CFAP53: variants seen among roughly 807,000 people sequenced by gnomAD.
CFAP53 encodes the protein cilia- and flagella-associated protein 53.
Under a neutral mutation model 59.7 loss-of-function variants are expected in CFAP53, and 62 were observed. The observed-to-expected ratio is 1.04, with a 90% CI of 0.85 to 1.28. The LOEUF is 1.28. CFAP53 is among the 50% of genes most tolerant of loss of function. CFAP53 has a pLI of 0.00. For missense variants in CFAP53, 629 were observed against 615.6 expected (o/e 1.02, Z -0.23); for synonymous variants, 218 against 205.7 (o/e 1.06, Z -0.51).
intron 5 of CFAP53, among the ~76,000 whole-genome samples, chr18:50,249,328 G>A (rs1301439910): frequency 6.6e-6 from 1 of 151,894 alleles, no homozygotes; most frequent in Non-Finnish European, 1.5e-5. Flanking sequence ...GACCAGCCTG[G>A]GCAGCATAGT....
rs550975806 is a variant in CFAP53 at position 50,250,638 on chromosome 18, T to C, written c.996+120A>G. 7.8e-4 allele frequency: 575 copies of C among 741,688 alleles called. 4 individuals carry two copies. The highest frequency in any genetic ancestry group is 1.2e-3 in the Non-Finnish European group (519 of 434,604). The allele number at this position is 741,688 out of a possible 1,614,324, so 45.9% of individuals were successfully genotyped here. ...ATTTTCCCAGATGGTGCTGATGCTGTTGGCTTGTGGACCACACTCAGAGTA... is the reference window on the plus strand; with the variant it reads ...ATTTTCCCAGATGGTGCTGATGCTGCTGGCTTGTGGACCACACTCAGAGTA... On this transcript the variant is annotated intron_variant, in intron 5 of 7. Coordinates refer to ENST00000398545, the MANE Select transcript of CFAP53 (RefSeq NM_145020.5).
intron 7 of CFAP53, among the ~76,000 whole-genome samples, chr18:50,235,276 C>T (rs1213790884): frequency 6.6e-6 from 1 of 152,154 alleles, no homozygotes; most frequent in Admixed American, 6.6e-5. Flanking sequence ...TATAATAAAG[C>T]TCATATTGGC....
chr18:50,233,319 T>C (rs986476233), intron 7 of CFAP53, among the ~76,000 whole-genome samples: 1 of 152,214 alleles, frequency 6.6e-6, no homozygotes, highest in African/African-American at 2.4e-5. Context: ...CTTTAGACCT[T>C]ACTCTTAAGG....
In CFAP53 at chr18:50,261,312, G is replaced by A; in HGVS notation, c.300-75C>T. On this transcript the variant is annotated intron_variant, in intron 2 of 7. Transcript: ENST00000398545. ...ACATGCATCGTTATATTCAATTTCA[G>A]AACTATAGGTCTAATTTGTAAGAAA... 2.2e-6 allele frequency: 3 copies of A among 1,344,586 alleles called. No homozygotes were observed. In the South Asian group the frequency reaches 5.0e-5, roughly 22 times the overall value. The allele number at this position is 1,344,586 out of a possible 1,614,324, so 83.3% of individuals were successfully genotyped here.
intron 7 of CFAP53, among the ~76,000 whole-genome samples, chr18:50,237,934 G>A (rs1334789054): frequency 6.6e-6 from 1 of 151,708 alleles, no homozygotes; most frequent in Non-Finnish European, 1.5e-5. Flanking sequence ...GATTAGGCCA[G>A]CCTGCTTTTC....
intron 3 of CFAP53, chr18:50,256,152 C>T (rs1467151524): frequency 6.6e-6 from 1 of 152,084 alleles, no homozygotes; most frequent in East Asian, 1.9e-4. Flanking sequence ...TTGCTAAATC[C>T]ATAAATTTTA....
At chr18:50,245,160 A>C (rs1047817639) in intron 5 of CFAP53, among the ~76,000 whole-genome samples, 2 of 151,276 alleles carry the variant, frequency 1.3e-5, no homozygotes, top group East Asian at 3.9e-4. Flanking sequence ...AGGCGGGTGG[A>C]TCATGAGGTC....
At chr18:50,260,480 G>A (rs2033880163) in intron 3 of CFAP53, among the ~76,000 whole-genome samples, 1 of 152,072 alleles carries the variant, frequency 6.6e-6, no homozygotes, top group African/African-American at 2.4e-5. Flanking sequence ...TGCGCAACAT[G>A]ACGAAACCCC....
intron 1 of CFAP53, among the ~76,000 whole-genome samples, chr18:50,266,028 G>A (rs1477620406): frequency 1.3e-5 from 2 of 152,202 alleles, no homozygotes. Context: ...CATCCTTCCG[G>A]TGTCTTGGAG....
chr18:50,237,202 T>C (rs984692204), intron 7 of CFAP53, among the ~76,000 whole-genome samples: 7 of 141,200 alleles, frequency 5.0e-5, no homozygotes, highest in Non-Finnish European at 1.1e-4. Context: ...GGTATTTGAG[T>C]GGCTGAGGCA....
chr18:50,251,862 C>T, intron 3 of CFAP53, 78 bp from the exon 4 acceptor site: 1 of 1,268,876 alleles, frequency 7.9e-7, no homozygotes, highest in Non-Finnish European at 1.1e-6. Context: ...TCTGTACAAT[C>T]ACACAATGAA....
At chr18:50,264,829 CCT>C (rs1240842404) in intron 1 of CFAP53, among the ~76,000 whole-genome samples, 9 of 152,126 alleles carry the variant, frequency 5.9e-5, no homozygotes, top group Admixed American at 5.9e-4. Context: ...TGGCTCAGCC[CCT>C]GAGCCCAGTG....
Position 50,243,109 on chromosome 18 carries a change from A to T in CFAP53, c.1004T>A (p.Met335Lys), listed in dbSNP as rs777668255. The T allele has an allele frequency of 6.2e-6, 10 of 1,607,626 alleles. No individual in the cohort carries two copies. Among genetic ancestry groups the T allele is most frequent in the Non-Finnish European group, 8.5e-6 (10 of 1,175,614 alleles). ...ATGGTATATCTTCTGTTCTCTTATC[A>T]TATCTTCCTATGTAACATAAAAATT... The part of the protein sequence containing the change: ...ADKKKQKRED[M>K]IREQKIYHKY... The change falls in exon 6 of 8, where the codon ATG becomes AAG. Residue 335 changes from methionine (M) to lysine (K), a missense_variant. By Grantham distance (95) the Met-to-Lys change is moderately conservative (BLOSUM62 -1). Coordinates refer to ENST00000398545, the MANE Select transcript of CFAP53 (RefSeq NM_145020.5).
chr18:50,258,819 G>A (rs1490906273), intron 3 of CFAP53, among the ~76,000 whole-genome samples: 1 of 152,080 alleles, frequency 6.6e-6, no homozygotes, highest in Non-Finnish European at 1.5e-5. Context: ...TTTCTCAAAA[G>A]AACACATACA....
rs765530335 is a variant in CFAP53, at chr18:50,253,642, A to G, written c.474-1858T>C. Among the ~76,000 whole-genome samples the G allele has an allele frequency of 2.6e-5, 4 of 152,340 alleles. No individual in the cohort carries two copies. The Middle Eastern group carries it at 0.01, about 389-fold the overall frequency. ...TCAATATGGCAATGAACATTACTGC[A>G]AATTTATTTTTATTATTTTTATTGT... On this transcript the variant is annotated intron_variant, in intron 3 of 7. Transcript: ENST00000398545.
At chr18:50,254,859 C>T (rs535276242) in intron 3 of CFAP53, among the ~76,000 whole-genome samples, 3 of 152,328 alleles carry the variant, frequency 2.0e-5, no homozygotes, top group Admixed American at 6.5e-5. Flanking sequence ...CCATTTCATT[C>T]CAGCCTGGGC....
In CFAP53 at chr18:50,266,472, C is replaced by G. The variant is rs1362827821; in HGVS notation, c.-68G>C. The G allele has an allele frequency of 1.3e-6, 2 of 1,489,608 alleles. No individual in the cohort carries two copies. Among genetic ancestry groups the G allele is most frequent in the Admixed American group, 1.7e-5 (1 of 59,768 alleles). The allele number at this position is 1,489,608 out of a possible 1,614,324, so 92.3% of individuals were successfully genotyped here. A position where few individuals can be genotyped will look rare whatever the true frequency, so the allele number is the denominator to read the frequency against. ...CCCCCAACCGTGGCGACCTGCGGGACCCGCTTCCGCGACGCAGAAGTCTGG... is the reference window on the plus strand; with the variant it reads ...CCCCCAACCGTGGCGACCTGCGGGAGCCGCTTCCGCGACGCAGAAGTCTGG... On this transcript the variant is annotated 5_prime_UTR_variant, in exon 1 of 8. Coordinates refer to ENST00000398545, the MANE Select transcript of CFAP53 (RefSeq NM_145020.5).
At chr18:50,233,312 T>C (rs1279003309) in intron 7 of CFAP53, among the ~76,000 whole-genome samples, 1 of 152,250 alleles carries the variant, frequency 6.6e-6, no homozygotes, top group Non-Finnish European at 1.5e-5. Flanking sequence ...ACACCTCCTT[T>C]AGACCTTACT....
rs76319390 is a variant in CFAP53, at chr18:50,232,746, G to A, written c.1317-5137C>T. 7.7e-3 allele frequency among the ~76,000 whole-genome samples: 1,176 copies of A among 152,330 alleles called. 27 individuals carry two copies. The highest frequency in any genetic ancestry group is 0.075 in the East Asian group (387 of 5,186). On this transcript the variant is annotated intron_variant, in intron 7 of 7. Coordinates refer to ENST00000398545, the MANE Select transcript of CFAP53 (RefSeq NM_145020.5). The stretch of plus-strand genomic sequence containing the variant: ...GAAGAATTTATCCCACACCTTGTAG[G>A]TCTGGGGTGCTAATGCTCTCCCTGG...
Sources: allele counts gnomAD v4.1 joint callset (sites outside exome capture counted in the v4.1 genomes callset), GRCh38; gene constraint gnomAD v4.1.1; transcripts MANE v1.5; gene names NCBI Gene and HGNC (gene_info 2026-07-23, HGNC 2026-07-21).